The following RAB7A variants were observed in gnomAD, a reference collection of about 807,000 sequenced individuals.
RAB7A encodes ras-related protein Rab-7a.
In RAB7A, 2 loss-of-function variants were observed where a neutral mutation model predicts 24.5. The ratio of observed to expected loss-of-function variants is 0.08; its 90% CI spans 0.03 to 0.26. The LOEUF (loss-of-function observed/expected upper bound fraction) is 0.26, where lower values mean the gene tolerates loss of function less well. Among genes scored for constraint, RAB7A ranks in the 10% least tolerant of loss-of-function variants. The pLI, the probability that RAB7A is intolerant of heterozygous loss-of-function variation, is 1.00. For synonymous variants in RAB7A, 100 were observed against 95.9 expected, an observed-to-expected ratio of 1.04 and a Z score of -0.25; for missense variants, 118 against 255.7, an observed-to-expected ratio of 0.46 and a Z score of 3.67.
chr3:128,765,323 T>C (rs1419686503), intron 1 of RAB7A, among the ~76,000 whole-genome samples: 6 of 152,168 alleles, frequency 3.9e-5, no homozygotes, highest in Non-Finnish European at 8.8e-5. Flanking sequence ...TCGAGTGACC[T>C]TCCTCTCCTT....
intron 1 of RAB7A, among the ~76,000 whole-genome samples, chr3:128,757,234 C>T (rs561739095): frequency 2.6e-3 from 393 of 152,252 alleles, no homozygotes; most frequent in African/African-American, 9.1e-3. Context: ...AGCAGTTATT[C>T]TCCATTTTTT....
intron 2 of RAB7A, 84 bp from the exon 3 acceptor site, chr3:128,797,859 A>T: frequency 6.6e-7 from 1 of 1,523,406 alleles, no homozygotes; most frequent in African/African-American, 1.4e-5. Context: ...GGTCAGGCAG[A>T]TTCTTTTAAA....
chr3:128,804,788 A>C lies in RAB7A; in HGVS notation c.181-1584A>C, dbSNP rs774145559. Among the ~76,000 whole-genome samples, 4 of 152,308 alleles carry C rather than the reference A, an allele frequency of 2.6e-5. No homozygotes were observed. The Middle Eastern group carries it at 0.01, about 389-fold the overall frequency. On this transcript the variant is annotated intron_variant, in intron 3 of 5. Transcript: ENST00000265062. ...AAAAAAGCCATTTGACATACAGAGAAAGCTCTCTATGCTAATGTTCATTGC... is the reference window on the plus strand; with the variant it reads ...AAAAAAGCCATTTGACATACAGAGACAGCTCTCTATGCTAATGTTCATTGC...
At chr3:128,798,821 TAAAAAAAA>T (rs56925997) in intron 3 of RAB7A, 11 of 150,588 alleles carry the variant, frequency 7.3e-5, no homozygotes, top group South Asian at 2.7e-4. Flanking sequence ...TCTCTAAATT[TAAAAAAAA>T]AAAAAAAAAA....
intron 1 of RAB7A, among the ~76,000 whole-genome samples, chr3:128,726,780 G>C (rs1040881247): frequency 6.6e-6 from 1 of 152,196 alleles, no homozygotes; most frequent in African/African-American, 2.4e-5. Context: ...GGTCACAGGC[G>C]CTGGGGGCCG....
At chr3:128,764,726 G>A (rs1442255021) in intron 1 of RAB7A, 1 of 800,508 alleles carries the variant, frequency 1.2e-6, no homozygotes, top group African/African-American at 1.7e-5. Flanking sequence ...ATTGCATTCA[G>A]CCCACTCTCC....
At chr3:128,764,329 G>T in intron 1 of RAB7A, 1 of 572,376 alleles carries the variant, frequency 1.7e-6, no homozygotes. Context: ...TTTATTTGAA[G>T]GAATGGTACA....
chr3:128,812,870 T>A (rs1576306529), intron 5 of RAB7A, among the ~76,000 whole-genome samples: 1 of 152,190 alleles, frequency 6.6e-6, no homozygotes. Flanking sequence ...CACACTCAGC[T>A]CCAGCCACTT....
chr3:128,768,011 A>C (rs1387829865), intron 1 of RAB7A, among the ~76,000 whole-genome samples: 2 of 152,180 alleles, frequency 1.3e-5, no homozygotes, highest in African/African-American at 2.4e-5. Context: ...CCATCACCAT[A>C]GTCAAGAGAA....
chr3:128,748,868 C>G (rs916101302), intron 1 of RAB7A: 2 of 152,182 alleles, frequency 1.3e-5, no homozygotes, highest in African/African-American at 2.4e-5. Flanking sequence ...AAAGGTCAGT[C>G]TGACAAATGG....
At chr3:128,753,624 G>A (rs2070706584) in intron 1 of RAB7A, among the ~76,000 whole-genome samples, 1 of 152,126 alleles carries the variant, frequency 6.6e-6, no homozygotes, top group Non-Finnish European at 1.5e-5. Flanking sequence ...CAAAATCAAG[G>A]CTCCAGCAGA....
At chr3:128,782,089 A>G (rs1559791483) in intron 1 of RAB7A, among the ~76,000 whole-genome samples, 14 of 152,216 alleles carry the variant, frequency 9.2e-5, no homozygotes. Context: ...ATTTCTAGCC[A>G]TCTTTCTTTC....
At chr3:128,795,307 T>G (rs372289310) in intron 1 of RAB7A, 53 bp from the exon 2 acceptor site, 3 of 1,476,074 alleles carry the variant, frequency 2.0e-6, no homozygotes, top group Middle Eastern at 1.7e-4. Context: ...GGGAGGTGTT[T>G]TGTTTTGGTG....
intron 3 of RAB7A, among the ~76,000 whole-genome samples, chr3:128,800,518 CGCACTGTGG>C (rs1203014850): frequency 6.6e-6 from 1 of 152,068 alleles, no homozygotes; most frequent in Non-Finnish European, 1.5e-5. Context: ...AGATCCACAG[CGCACTGTGG>C]GCTTCTCAAG....
At chr3:128,801,003 A>G (rs948990514) in intron 3 of RAB7A, among the ~76,000 whole-genome samples, 6 of 152,208 alleles carry the variant, frequency 3.9e-5, no homozygotes, top group Non-Finnish European at 8.8e-5. Flanking sequence ...GTGTTTTTCG[A>G]GGGCTTTTAG....
chr3:128,740,463 A>G (rs933198515), intron 1 of RAB7A, among the ~76,000 whole-genome samples: 2 of 152,206 alleles, frequency 1.3e-5, no homozygotes, highest in South Asian at 2.1e-4. Flanking sequence ...TCATTGCCAT[A>G]TAGCCTTCAG....
At chr3:128,790,624 A>G (rs1933435586) in intron 1 of RAB7A, among the ~76,000 whole-genome samples, 1 of 152,184 alleles carries the variant, frequency 6.6e-6, no homozygotes, top group African/African-American at 2.4e-5. Flanking sequence ...GGCTCTTACC[A>G]TTTAGTGAAT....
intron 1 of RAB7A, among the ~76,000 whole-genome samples, chr3:128,777,173 C>G (rs539496921): frequency 5.4e-4 from 82 of 152,204 alleles, no homozygotes; most frequent in African/African-American, 2.0e-3. Flanking sequence ...ATTATCTCTG[C>G]ACTCTGTTGT....
At position 128,813,683 on chromosome 3, in the gene RAB7A, C is replaced by T; in HGVS notation, c.*261C>T. 5.8e-6 allele frequency: 3 copies of T among 519,846 alleles called. No individual in the cohort carries two copies. The South Asian group carries it at 5.8e-5, about 10-fold the overall frequency. The allele number at this position is 519,846 out of a possible 1,614,324, so 32.2% of individuals were successfully genotyped here. On this transcript the variant is annotated 3_prime_UTR_variant, in exon 6 of 6. Transcript: ENST00000265062. ...GCTCCTTGGGGTCTGCCTGCCCACC[C>T]ACATGAGCCCGCGAGTATGGCAGCA...
Sources: allele counts gnomAD v4.1 joint callset (sites outside exome capture counted in the v4.1 genomes callset), GRCh38; gene constraint gnomAD v4.1.1; transcripts MANE v1.5; gene names NCBI Gene and HGNC (gene_info 2026-07-23, HGNC 2026-07-21).